Variants in ADARB2 observed in about 807,000 individuals in gnomAD.
ADARB2 encodes the protein inactive double-stranded RNA-specific editase B2.
A neutral mutation model predicts 62.2 loss-of-function variants in ADARB2; 25 were observed. The observed-to-expected ratio is 0.40, with a 90% CI of 0.29 to 0.56. The LOEUF (loss-of-function observed/expected upper bound fraction) is 0.56, where lower values mean the gene tolerates loss of function less well. Among genes scored for constraint, ADARB2 ranks in the 20% least tolerant of loss-of-function variants. ADARB2 has a pLI of 0.43. For missense variants in ADARB2, 1,071 were observed against 1,077.4 expected, an observed-to-expected ratio of 0.99 and a Z score of 0.08; for synonymous variants, 572 against 500.8, an observed-to-expected ratio of 1.14 and a Z score of -1.90.
At chr10:1,447,602 C>T (rs1330399562) in intron 1 of ADARB2, among the ~76,000 whole-genome samples, 1 of 151,918 alleles carries the variant, frequency 6.6e-6, no homozygotes, top group Non-Finnish European at 1.5e-5. Flanking sequence ...ATTGCAGCTT[C>T]AGGGGTACAT....
chr10:1,445,611 T>C (rs1161389984), intron 1 of ADARB2, among the ~76,000 whole-genome samples: 1 of 152,256 alleles, frequency 6.6e-6, no homozygotes, highest in Non-Finnish European at 1.5e-5. Flanking sequence ...TCACATGCTG[T>C]GAGGAAATCA....
chr10:1,301,560 C>CTT, intron 3 of ADARB2, among the ~76,000 whole-genome samples: 1 of 79,760 alleles, frequency 1.3e-5, no homozygotes, highest in Non-Finnish European at 2.7e-5. Context: ...CTTCTCTCTT[C>CTT]TCTCTCTCTC....
chr10:1,360,288 G>A (rs992353280), intron 3 of ADARB2, among the ~76,000 whole-genome samples: 1 of 152,224 alleles, frequency 6.6e-6, no homozygotes, highest in South Asian at 2.1e-4. Context: ...TCCGAGCGTG[G>A]GACACAGCCC....
At chr10:1,316,526 CCA>C (rs1242585833) in intron 3 of ADARB2, among the ~76,000 whole-genome samples, 3 of 152,156 alleles carry the variant, frequency 2.0e-5, no homozygotes, top group African/African-American at 7.2e-5. Flanking sequence ...TAAAATAATC[CCA>C]GTCATTCTGG....
intron 6 of ADARB2, among the ~76,000 whole-genome samples, chr10:1,230,439 A>G (rs1332012693): frequency 1.3e-5 from 2 of 152,186 alleles, no homozygotes; most frequent in Non-Finnish European, 2.9e-5. Context: ...AGCCCCTCAC[A>G]GCAAAAGCCT....
intron 1 of ADARB2, among the ~76,000 whole-genome samples, chr10:1,512,333 G>T (rs978130944): frequency 6.6e-6 from 1 of 151,878 alleles, no homozygotes; most frequent in Non-Finnish European, 1.5e-5. Context: ...ATGCTGCTAT[G>T]CTGGATACCA....
chr10:1,521,081 C>T (rs916231296), intron 1 of ADARB2, among the ~76,000 whole-genome samples: 4 of 152,164 alleles, frequency 2.6e-5, no homozygotes, highest in South Asian at 2.1e-4. Flanking sequence ...TTCAGGGACT[C>T]GGAATTAATA....
chr10:1,620,548 T>C (rs1484645849), intron 1 of ADARB2, among the ~76,000 whole-genome samples: 1 of 152,172 alleles, frequency 6.6e-6, no homozygotes, highest in Non-Finnish European at 1.5e-5. Flanking sequence ...ATTTGTTAAA[T>C]AAAGAAAAAA....
chr10:1,574,014 G>T lies in ADARB2; in HGVS notation c.100+163037C>A, dbSNP rs1368254022. ...AAAACAATGACAAGACCTCCGTGAT[G>T]TCCCTGGCATTTTTTGAAGATCAAA... On this transcript the variant is annotated intron_variant, in intron 1 of 9. Coordinates refer to ENST00000381312, the MANE Select transcript of ADARB2 (RefSeq NM_018702.4). 2.0e-5 allele frequency among the ~76,000 whole-genome samples: 3 copies of T among 152,316 alleles called. No individual in the cohort carries two copies. The East Asian group carries it at 5.8e-4, about 29-fold the overall frequency.
intron 1 of ADARB2, among the ~76,000 whole-genome samples, chr10:1,472,264 A>G (rs1831332833): frequency 6.6e-6 from 1 of 152,222 alleles, no homozygotes; most frequent in Non-Finnish European, 1.5e-5. Context: ...TCTCCAGCTG[A>G]CCATGCATGA....
intron 1 of ADARB2, among the ~76,000 whole-genome samples, chr10:1,432,108 C>T (rs184170172): frequency 1.3e-5 from 2 of 152,248 alleles, no homozygotes; most frequent in African/African-American, 4.8e-5. Context: ...GCCACTCTCC[C>T]AGAATCCTAT....
intron 1 of ADARB2, among the ~76,000 whole-genome samples, chr10:1,569,700 A>G (rs1428210732): frequency 6.6e-6 from 1 of 152,162 alleles, no homozygotes; most frequent in African/African-American, 2.4e-5. Context: ...ATTGGCCATA[A>G]ATTTGATCAT....
intron 1 of ADARB2, among the ~76,000 whole-genome samples, chr10:1,616,014 G>A (rs1833627582): frequency 6.6e-6 from 1 of 152,244 alleles, no homozygotes; most frequent in Admixed American, 6.5e-5. Context: ...ACCAGCAGAG[G>A]AGATGGCAAA....
chr10:1,366,331 G>C (rs1309319493), intron 2 of ADARB2, among the ~76,000 whole-genome samples: 1 of 152,236 alleles, frequency 6.6e-6, no homozygotes, highest in East Asian at 1.9e-4. Context: ...TGGCAAAGCT[G>C]TTCCATTAGG....
At chr10:1,584,735 A>G (rs534668221) in intron 1 of ADARB2, among the ~76,000 whole-genome samples, 1 of 152,358 alleles carries the variant, frequency 6.6e-6, no homozygotes, top group Admixed American at 6.5e-5. Context: ...TGGTTCATCC[A>G]GATCATGGCA....
chr10:1,648,711 C>T (rs187254006), intron 1 of ADARB2, among the ~76,000 whole-genome samples: 4 of 152,298 alleles, frequency 2.6e-5, no homozygotes, highest in Admixed American at 6.5e-5. Flanking sequence ...TCTACCATTA[C>T]GCTGACTAAC....
chr10:1,383,672 C>T (rs1293595739), intron 1 of ADARB2, among the ~76,000 whole-genome samples: 3 of 152,222 alleles, frequency 2.0e-5, no homozygotes, highest in African/African-American at 7.2e-5. Flanking sequence ...ATTAGTCACA[C>T]TGCATAGTCA....
At chr10:1,685,351 C>T (rs1027156922) in intron 1 of ADARB2, among the ~76,000 whole-genome samples, 6 of 152,200 alleles carry the variant, frequency 3.9e-5, no homozygotes, top group South Asian at 2.1e-4. Context: ...TCCTCAGCAC[C>T]GAGCAACACG....
chr10:1,279,752 T>C (rs538023152), intron 3 of ADARB2, among the ~76,000 whole-genome samples: 1 of 152,302 alleles, frequency 6.6e-6, no homozygotes, highest in South Asian at 2.1e-4. Flanking sequence ...TGCCTCTTTC[T>C]CTCTCTTGGA....
Sources: gnomAD v4.1 joint callset for allele counts (sites outside exome capture counted in the v4.1 genomes callset) on GRCh38, gnomAD v4.1.1 for gene constraint, MANE v1.5 for transcripts, NCBI Gene and HGNC (gene_info 2026-07-23, HGNC 2026-07-21) for gene names.